The following ALDH4A1 variants were observed in gnomAD, a reference collection of about 807,000 sequenced individuals.
ALDH4A1 encodes aldehyde dehydrogenase 4 family member A1, also known as delta-1-pyrroline-5-carboxylate dehydrogenase, mitochondrial.
In ALDH4A1, 46 loss-of-function variants were observed where a neutral mutation model predicts 70.5. The observed-to-expected ratio is 0.65, with a 90% CI of 0.51 to 0.83. The LOEUF (loss-of-function observed/expected upper bound fraction) is 0.83, where lower values mean the gene tolerates loss of function less well. Among genes scored for constraint, ALDH4A1 ranks in the 40% least tolerant of loss-of-function variants. ALDH4A1 has a pLI of 0.00. For synonymous variants in ALDH4A1, 323 were observed against 324.3 expected (o/e 1.00, Z 0.04); for missense variants, 749 against 766.5 (o/e 0.98, Z 0.27).
chr1:18,884,705 C>T (rs1415896830), intron 5 of ALDH4A1, among the ~76,000 whole-genome samples: 2 of 152,202 alleles, frequency 1.3e-5, no homozygotes, highest in Non-Finnish European at 2.9e-5. Context: ...GAACTCAATA[C>T]ACTCCAGTGC....
At chr1:18,892,840 G>A (rs1041372173) in intron 1 of ALDH4A1, among the ~76,000 whole-genome samples, 8 of 152,094 alleles carry the variant, frequency 5.3e-5, no homozygotes, top group African/African-American at 9.7e-5. Flanking sequence ...ATTTGATAAC[G>A]ATAAATACAT....
chr1:18,879,402 C>T (rs1260439066), intron 8 of ALDH4A1, 29 bp from the exon 9 acceptor site: 1 of 1,594,038 alleles, frequency 6.3e-7, no homozygotes, highest in Admixed American at 1.7e-5. Flanking sequence ...GGGTGGGGTT[C>T]AGGGAGCCAG....
intron 14 of ALDH4A1, among the ~76,000 whole-genome samples, chr1:18,874,253 G>A (rs1569713655): frequency 6.6e-6 from 1 of 152,232 alleles, no homozygotes; most frequent in Non-Finnish European, 1.5e-5. Flanking sequence ...ATGTGGCCTT[G>A]AGCCTCAGTT....
At chr1:18,882,026 C>T in intron 7 of ALDH4A1, 139 bp from the exon 8 acceptor site, 2 of 885,654 alleles carry the variant, frequency 2.3e-6, no homozygotes, top group South Asian at 2.9e-5. Context: ...CCTACCCGAC[C>T]CCACTCCTCC....
At chr1:18,895,645 C>A (rs1935591801) in intron 1 of ALDH4A1, among the ~76,000 whole-genome samples, 1 of 152,192 alleles carries the variant, frequency 6.6e-6, no homozygotes, top group African/African-American at 2.4e-5. Context: ...GGCCAGGCAC[C>A]ATTTCACCTT....
At position 18,872,905 on chromosome 1, in the gene ALDH4A1, C is replaced by T. The variant is rs759926379; in HGVS notation, c.1632G>A (p.Pro544=). 81 of 1,613,934 alleles carry T rather than the reference C, an allele frequency of 5.0e-5. No homozygotes were observed. The South Asian group carries it at 6.0e-4, about 12-fold the overall frequency. ...GCTTATGTGTCTCCTTGATGACCTG[C>T]GGCGACGTCCAGCGCAGGATGTAGT... ...GPHYILRWTS[P]QVIKETHKPL... The change falls in exon 15 of 15, where the codon CCG becomes CCA. Residue 544 remains proline (P), a synonymous_variant. Coordinates refer to ENST00000375341, the MANE Select transcript of ALDH4A1 (RefSeq NM_003748.4).
chr1:18,874,595 C>T lies in ALDH4A1; in HGVS notation c.1461-14G>A, dbSNP rs751355712. 1.2e-6 allele frequency: 2 copies of T among 1,613,540 alleles called. No homozygotes were observed. Among genetic ancestry groups the T allele is most frequent in the Non-Finnish European group, 8.5e-7 (1 of 1,179,592 alleles). On this transcript the variant is annotated splice_polypyrimidine_tract_variant and intron_variant, in intron 13 of 14. Coordinates refer to ENST00000375341, the MANE Select transcript of ALDH4A1 (RefSeq NM_003748.4). ...TGCACGACGTCCCTACAAAGCAGAG[C>T]AGTGGTGACAGAGCAACCAGCTCAT...
chr1:18,890,938 C>A (rs1935409899), intron 1 of ALDH4A1: 1 of 978,652 alleles, frequency 1.0e-6, no homozygotes, highest in Non-Finnish European at 1.2e-6. Context: ...AGATGTGGAC[C>A]ATGAACTTGG....
intron 9 of ALDH4A1, among the ~76,000 whole-genome samples, chr1:18,879,089 ATGG>A (rs1300070937): frequency 1.3e-5 from 2 of 152,220 alleles, no homozygotes; most frequent in African/African-American, 2.4e-5. Flanking sequence ...CAAGGGCTCC[ATGG>A]CCATGTGTGG....
intron 5 of ALDH4A1, 46 bp downstream of exon 5, chr1:18,885,427 T>TTCCCCCCCCCC: frequency 2.9e-5 from 19 of 650,922 alleles, no homozygotes; most frequent in Non-Finnish European, 4.4e-5. Flanking sequence ...CACACCTGAC[T>TTCCCCCCCCCC]CCCACCCCAC....
At position 18,888,872 on chromosome 1, in the gene ALDH4A1, C is replaced by T. The variant is rs528686402; in HGVS notation, c.249+490G>A. ...TGCACACGTCTGCCCAGGGTTTCAG[C>T]CGGACAGAGCCAGAATGTGCTTGCC... On this transcript the variant is annotated intron_variant, in intron 3 of 14. Transcript: ENST00000375341. 2.0e-5 allele frequency among the ~76,000 whole-genome samples: 3 copies of T among 152,352 alleles called. No individual in the cohort carries two copies. In the East Asian group the frequency reaches 5.8e-4, roughly 29 times the overall value.
chr1:18,885,318 C>G (rs1321074507), intron 5 of ALDH4A1, 155 bp downstream of exon 5: 1 of 711,234 alleles, frequency 1.4e-6, no homozygotes, highest in Non-Finnish European at 2.4e-6. Context: ...GATCATCCAT[C>G]CCAGCTCCTA....
At chr1:18,887,470 A>G (rs867550747) in intron 3 of ALDH4A1, among the ~76,000 whole-genome samples, 29 of 152,314 alleles carry the variant, frequency 1.9e-4, no homozygotes, top group African/African-American at 5.3e-4. Flanking sequence ...GTGGTGGCGG[A>G]TGCCTGTAAT....
chr1:18,900,874 C>T (rs530542720), intron 1 of ALDH4A1: 3 of 985,186 alleles, frequency 3.0e-6, no homozygotes, highest in South Asian at 4.7e-5. Context: ...ACAGTACTTA[C>T]CGGCTCGGTG....
intron 4 of ALDH4A1, 56 bp downstream of exon 4, chr1:18,886,408 G>A (rs1935201806): frequency 1.9e-6 from 3 of 1,581,764 alleles, no homozygotes; most frequent in Non-Finnish European, 2.6e-6. Flanking sequence ...AGCTGGCAGG[G>A]CAGAGCAGGG....
In ALDH4A1 at chr1:18,898,409, G is replaced by A. The variant is rs1935694114; in HGVS notation, c.62+4053C>T. On this transcript the variant is annotated intron_variant, in intron 1 of 14. Coordinates refer to ENST00000375341, the MANE Select transcript of ALDH4A1 (RefSeq NM_003748.4). This position sits in a 1 kb window ranked among gnomAD's most constrained non-coding sequence, Gnocchi z 4.3. ...AATTGGAATAAACAGAAGAGACCGA[G>A]GACATCTGAGTTCCATACCTCCCCT... Among the ~76,000 whole-genome samples, 1 of 152,172 alleles carries A rather than the reference G, an allele frequency of 6.6e-6. No individual in the cohort carries two copies. Among genetic ancestry groups the A allele is most frequent in the Non-Finnish European group, 1.5e-5 (1 of 68,026 alleles).
In ALDH4A1 at chr1:18,879,319, G is replaced by T. The variant is rs1380345576; in HGVS notation, c.921C>A (p.Thr307=). 1.9e-6 allele frequency: 3 copies of T among 1,610,514 alleles called. No homozygotes were observed. The highest frequency in any genetic ancestry group is 2.5e-6 in the Non-Finnish European group (3 of 1,178,652). Residue 307 remains threonine (T), a synonymous_variant, in exon 9 of 15, where the codon ACC becomes ACA. Coordinates refer to ENST00000375341, the MANE Select transcript of ALDH4A1 (RefSeq NM_003748.4). The stretch of plus-strand genomic sequence containing the variant: ...CCTTACCTCCAGCCAGGCGTGGGAA[G>T]GTGTGGAACCGGTCCAGGTTCTGGG... The part of the protein sequence containing the change: ...QVAQNLDRFH[T]FPRLAGECGG...
At chr1:18,885,761 C>G in intron 4 of ALDH4A1, 133 bp from the exon 5 acceptor site, 1 of 1,282,158 alleles carries the variant, frequency 7.8e-7, no homozygotes, top group Non-Finnish European at 1.1e-6. Flanking sequence ...GGGCCCTCAG[C>G]CCCCTGCCAC....
At chr1:18,875,618 C>T in intron 12 of ALDH4A1, 115 bp from the exon 13 acceptor site, 2 of 1,536,804 alleles carry the variant, frequency 1.3e-6, no homozygotes, top group Non-Finnish European at 1.8e-6. Flanking sequence ...CCTCAGTTTA[C>T]ACTTCAGTGT....
Sources: gnomAD v4.1 joint callset for allele counts (sites outside exome capture counted in the v4.1 genomes callset) on GRCh38, gnomAD v4.1.1 for gene constraint, Gnocchi (gnomAD v3.1) non-coding constraint, MANE v1.5 for transcripts, NCBI Gene and HGNC (gene_info 2026-07-23, HGNC 2026-07-21) for gene names.